Variants in ARHGAP6 observed in about 807,000 individuals in gnomAD.
ARHGAP6 encodes the protein Rho GTPase activating protein 6, also known as rho GTPase-activating protein 6.
In ARHGAP6, 16 loss-of-function variants were observed where a neutral mutation model predicts 55.7. That is an observed-to-expected ratio of 0.29 (90% confidence interval 0.19 to 0.44). The LOEUF is 0.44. Ranked by LOEUF, ARHGAP6 falls within the 20% of genes least tolerant of loss-of-function variation. The pLI, the probability that ARHGAP6 is intolerant of heterozygous loss-of-function variation, is 1.00. For missense variants in ARHGAP6, 698 were observed against 808.9 expected (o/e 0.86, Z 1.66); for synonymous variants, 382 against 360.9 (o/e 1.06, Z -0.66).
At chrX:11,142,125 G>C in intron 12 of ARHGAP6, 108 bp downstream of exon 12, 1 of 481,442 alleles carries the variant, frequency 2.1e-6, no homozygotes. Flanking sequence ...CCCATTTTCA[G>C]CATTTCCCAA....
chrX:11,446,907 T>C (rs775707464), intron 1 of ARHGAP6, among the ~76,000 whole-genome samples: 16 of 111,874 alleles, frequency 1.4e-4, no homozygotes, highest in Admixed American at 3.8e-4. Flanking sequence ...CAGGCCATAT[T>C]TTACTATTAA....
intron 1 of ARHGAP6, among the ~76,000 whole-genome samples, chrX:11,653,106 T>A (rs1026983102): frequency 6.2e-5 from 7 of 112,027 alleles, no homozygotes; most frequent in Non-Finnish European, 1.1e-4. Flanking sequence ...CACACCTGGC[T>A]TGAAATGAGA....
chrX:11,372,792 AAAAAG>A (rs1306055380), intron 1 of ARHGAP6, among the ~76,000 whole-genome samples: 38 of 106,577 alleles, frequency 3.6e-4, no homozygotes, highest in African/African-American at 1.3e-3. Context: ...AAAAAAAAAA[AAAAAG>A]AAAAGAAAAG....
At chrX:11,438,877 G>A (rs777140227) in intron 1 of ARHGAP6, among the ~76,000 whole-genome samples, 1 of 112,691 alleles carries the variant, frequency 8.9e-6, no homozygotes, top group East Asian at 2.8e-4. Flanking sequence ...GAGAGAGCCA[G>A]AGGGCTTTGC....
At chrX:11,447,547 G>A (rs1433402742) in intron 1 of ARHGAP6, among the ~76,000 whole-genome samples, 1 of 112,371 alleles carries the variant, frequency 8.9e-6, no homozygotes, top group East Asian at 2.8e-4. Flanking sequence ...CAAAAGCAGA[G>A]TTGAGTAGTT....
At chrX:11,224,982 G>A (rs976191) in intron 2 of ARHGAP6, among the ~76,000 whole-genome samples, 6,211 of 111,248 alleles carry the variant, frequency 0.056, 189 homozygotes, top group African/African-American at 0.12. Flanking sequence ...TGCCTCAGTT[G>A]CCTTATCTAT....
In ARHGAP6 at chrX:11,604,379, T is replaced by G. The variant is rs746605115; in HGVS notation, c.588+59862A>C. Among the ~76,000 whole-genome samples the G allele has an allele frequency of 8.0e-4, 89 of 111,060 alleles. 1 individual carries two copies. The highest frequency in any genetic ancestry group is 1.5e-3 in the Non-Finnish European group (78 of 52,948). On this transcript the variant is annotated intron_variant, in intron 1 of 12. Coordinates refer to ENST00000337414, the MANE Select transcript of ARHGAP6 (RefSeq NM_013427.3). ...GTTTTGTGTAGATGGTAGATATAAG[T>G]GATTTAGTCACTGAGTTTATCAACA...
chrX:11,156,485 A>T (rs775116320), intron 10 of ARHGAP6, 44 bp downstream of exon 10: 1 of 1,081,438 alleles, frequency 9.2e-7, no homozygotes, highest in Non-Finnish European at 1.3e-6. Flanking sequence ...TGGAAATAGA[A>T]ATCTCCAATG....
intron 1 of ARHGAP6, among the ~76,000 whole-genome samples, chrX:11,566,193 A>G (rs777363742): frequency 8.9e-6 from 1 of 112,442 alleles, no homozygotes; most frequent in South Asian, 3.7e-4. Flanking sequence ...AGAGGCTGAC[A>G]GCAACAGTGA....
At chrX:11,550,393 A>G (rs1229081442) in intron 1 of ARHGAP6, among the ~76,000 whole-genome samples, 1 of 112,199 alleles carries the variant, frequency 8.9e-6, no homozygotes, top group Non-Finnish European at 1.9e-5. Context: ...ACACATTAAG[A>G]TTGGAGACAT....
intron 1 of ARHGAP6, among the ~76,000 whole-genome samples, chrX:11,271,594 C>T (rs751522901): frequency 1.2e-4 from 13 of 111,662 alleles, no homozygotes; most frequent in Non-Finnish European, 2.3e-4. Context: ...AATATATAGA[C>T]GTTGCTTCTA....
In ARHGAP6 at chrX:11,317,026, T is replaced by G. The variant is rs542653436; in HGVS notation, c.589-62319A>C. On this transcript the variant is annotated intron_variant, in intron 1 of 12. Coordinates refer to ENST00000337414, the MANE Select transcript of ARHGAP6 (RefSeq NM_013427.3). ...TAGCATGGACATGCCACATGCATTT[T>G]GGGGCTCAGTGAGCTGATCTTGGTA... is the stretch of plus-strand genomic sequence containing the variant. Among the ~76,000 whole-genome samples the G allele has an allele frequency of 2.3e-4, 26 of 112,628 alleles. No individual in the cohort carries two copies. In the South Asian group the frequency reaches 9.6e-3, roughly 41 times the overall value.
At chrX:11,220,666 C>T (rs1322090376) in intron 2 of ARHGAP6, among the ~76,000 whole-genome samples, 12 of 109,612 alleles carry the variant, frequency 1.1e-4, no homozygotes, top group East Asian at 5.8e-4. Flanking sequence ...CGGTACCAGC[C>T]GCTGCAAAAT....
chrX:11,470,665 G>T (rs1349322086), intron 1 of ARHGAP6, among the ~76,000 whole-genome samples: 1 of 112,390 alleles, frequency 8.9e-6, no homozygotes, highest in Non-Finnish European at 1.9e-5. Flanking sequence ...AGTAGATTTA[G>T]CTTGGTCGTG....
At chrX:11,354,585 C>T (rs186256466) in intron 1 of ARHGAP6, among the ~76,000 whole-genome samples, 119 of 109,719 alleles carry the variant, frequency 1.1e-3, no homozygotes, top group African/African-American at 3.8e-3. Context: ...ATTTTCCCCA[C>T]AAACCATATA....
At chrX:11,543,212 T>C (rs2051177685) in intron 1 of ARHGAP6, among the ~76,000 whole-genome samples, 1 of 112,936 alleles carries the variant, frequency 8.9e-6, no homozygotes, top group Non-Finnish European at 1.9e-5. Flanking sequence ...TTCTGTTCTA[T>C]GTAACCTCTC....
intron 1 of ARHGAP6, among the ~76,000 whole-genome samples, chrX:11,636,688 G>T (rs967771680): frequency 8.9e-6 from 1 of 111,825 alleles, no homozygotes; most frequent in African/African-American, 3.2e-5. Flanking sequence ...AGAATTAAAT[G>T]ATTTGCTTGT....
intron 1 of ARHGAP6, among the ~76,000 whole-genome samples, chrX:11,659,669 C>T (rs1007242121): frequency 1.8e-5 from 2 of 111,519 alleles, no homozygotes; most frequent in Non-Finnish European, 3.8e-5. Context: ...AATGTAATCA[C>T]AAGAGTCCCG....
chrX:11,440,468 GA>G (rs750999971), intron 1 of ARHGAP6, among the ~76,000 whole-genome samples: 2 of 111,738 alleles, frequency 1.8e-5, no homozygotes, highest in South Asian at 7.5e-4. Flanking sequence ...TTTTCAAGGA[GA>G]AATTTCCCTC....
Sources: allele counts gnomAD v4.1 joint callset (sites outside exome capture counted in the v4.1 genomes callset), GRCh38; gene constraint gnomAD v4.1.1; transcripts MANE v1.5; gene names NCBI Gene and HGNC (gene_info 2026-07-23, HGNC 2026-07-21).